The following CECR2 variants were observed in gnomAD, a reference collection of about 807,000 sequenced individuals.
CECR2 encodes CECR2 histone acetyl-lysine reader.
A neutral mutation model predicts 154.5 loss-of-function variants in CECR2; 30 were observed. That is an observed-to-expected ratio of 0.19 (90% confidence interval 0.15 to 0.26). The LOEUF (loss-of-function observed/expected upper bound fraction) is 0.26. Ranked by LOEUF, CECR2 falls within the 10% of genes least tolerant of loss-of-function variation. The pLI is 1.00. For synonymous variants in CECR2, 725 were observed against 683.7 expected, an observed-to-expected ratio of 1.06 and a Z score of -0.94; for missense variants, 1,743 against 1,829.3, an observed-to-expected ratio of 0.95 and a Z score of 0.86.
chr22:17,447,523 G>T (rs1171110869), intron 1 of CECR2, among the ~76,000 whole-genome samples: 1 of 152,038 alleles, frequency 6.6e-6, no homozygotes, highest in African/African-American at 2.4e-5. Flanking sequence ...TCCAGCCTGG[G>T]CAACAGAGCA....
Position 17,369,612 on chromosome 22 carries a change from C to G in CECR2, c.-172C>G, listed in dbSNP as rs1212341968. On this transcript the variant is annotated 5_prime_UTR_variant, in exon 1 of 19. Coordinates refer to ENST00000262608, the MANE Select transcript of CECR2 (RefSeq NM_001290047.2). The stretch of plus-strand genomic sequence containing the variant: ...GGCCCCCGCGCCGCCGCCCCCCGCC[C>G]GGCGCCCGCCCTCGGCTCCTGCACT... The G allele has an allele frequency of 6.8e-6, 1 of 146,794 alleles. No homozygotes were observed. The highest frequency in any genetic ancestry group is 2.4e-5 in the African/African-American group (1 of 40,852). The allele number at this position is 146,794 out of a possible 1,614,324, so 9.1% of individuals were successfully genotyped here. A position where few individuals can be genotyped will look rare whatever the true frequency, so the allele number is the denominator to read the frequency against.
In CECR2 at chr22:17,394,197, C is replaced by CTTTTTTT. The variant is rs71200271; in HGVS notation, c.126+24308_126+24314dup. Among the ~76,000 whole-genome samples, 8 of 97,088 alleles carry CTTTTTTT rather than the reference C, an allele frequency of 8.2e-5. 1 individual carries two copies. The highest frequency in any genetic ancestry group is 3.5e-4 in the South Asian group (1 of 2,868). The allele number at this position is 97,088 out of a possible 152,430, so 63.7% of individuals were successfully genotyped here. A position where few individuals can be genotyped will look rare whatever the true frequency, so the allele number is the denominator to read the frequency against. Reference sequence around the variant, plus strand: ...CCACCGCGCCCAGCTGCTGCCGCTGCTTTTTTTTTTTTTTTTTTTTTTTTT... The same window carrying CTTTTTTT: ...CCACCGCGCCCAGCTGCTGCCGCTGCTTTTTTTTTTTTTTTTTTTTTTTTTTTTTTTT... On this transcript the variant is annotated intron_variant, in intron 1 of 18. Transcript: ENST00000262608.
At chr22:17,494,725 C>T (rs2055591516) in intron 2 of CECR2, among the ~76,000 whole-genome samples, 1 of 152,116 alleles carries the variant, frequency 6.6e-6, no homozygotes, top group African/African-American at 2.4e-5. Flanking sequence ...GACAGCATCT[C>T]ACTCTGTTGC....
rs1250537793 is a variant in CECR2, at chr22:17,498,260, A to C, written c.405+674A>C. Among the ~76,000 whole-genome samples, 4 of 152,106 alleles carry C rather than the reference A, an allele frequency of 2.6e-5. No homozygotes were observed. The East Asian group carries it at 7.7e-4, about 29-fold the overall frequency. ...AAAAAAATTAGCCGGGCGTGGTGGCAGGCGCCTGTAGTCCCAGCTACTCGG... is the reference window on the plus strand; with the variant it reads ...AAAAAAATTAGCCGGGCGTGGTGGCCGGCGCCTGTAGTCCCAGCTACTCGG... On this transcript the variant is annotated intron_variant, in intron 3 of 18. Transcript: ENST00000262608.
At chr22:17,382,652 C>A (rs2063212122) in intron 1 of CECR2, among the ~76,000 whole-genome samples, 1 of 152,206 alleles carries the variant, frequency 6.6e-6, no homozygotes, top group Admixed American at 6.5e-5. Flanking sequence ...CGCCTGTAAT[C>A]CCAACACTTT....
In CECR2 at chr22:17,395,479, C is replaced by T. The variant is rs552228212; in HGVS notation, c.126+25570C>T. 9.9e-5 allele frequency among the ~76,000 whole-genome samples: 15 copies of T among 152,008 alleles called. No individual in the cohort carries two copies. The East Asian group carries it at 1.4e-3, about 14-fold the overall frequency. On this transcript the variant is annotated intron_variant, in intron 1 of 18. Coordinates refer to ENST00000262608, the MANE Select transcript of CECR2 (RefSeq NM_001290047.2). Reference sequence around the variant, plus strand: ...CATGCCTTAGCCTCTCAAGTAGCCGCGATTACAGGCACACGCCACCATGCT... The same window carrying T: ...CATGCCTTAGCCTCTCAAGTAGCCGTGATTACAGGCACACGCCACCATGCT...
At chr22:17,471,749 G>C (rs1230976621) in intron 1 of CECR2, among the ~76,000 whole-genome samples, 2 of 151,880 alleles carry the variant, frequency 1.3e-5, no homozygotes, top group African/African-American at 2.4e-5. Flanking sequence ...TGGCCAGGTG[G>C]GTCTCGAACT....
intron 1 of CECR2, among the ~76,000 whole-genome samples, chr22:17,376,735 T>A (rs533958076): frequency 6.6e-6 from 1 of 151,544 alleles, no homozygotes; most frequent in South Asian, 2.1e-4. Flanking sequence ...GCCTCCTGGG[T>A]TCAGGTGATT....
chr22:17,488,406 A>C (rs1304717992), intron 2 of CECR2, among the ~76,000 whole-genome samples: 2 of 152,224 alleles, frequency 1.3e-5, no homozygotes, highest in African/African-American at 2.4e-5. Flanking sequence ...TACTGAAGAA[A>C]ATAGACATTT....
Position 17,540,600 on chromosome 22 carries a change from G to A in CECR2, c.1684G>A (p.Gly562Arg). ...TTGGACCCGCTCCAGGGACCCAGAA[G>A]GGTCCAGCAGGAAACAGCAGCCCAT... ...HVWTRSRDPE[G>R]SSRKQQPMEN... Residue 562 changes from glycine to arginine, a missense_variant, in exon 14 of 19, where the codon GGG (glycine) becomes AGG (arginine). Gly to Arg is a moderately radical substitution (Grantham distance 125). Coordinates refer to ENST00000262608, the MANE Select transcript of CECR2 (RefSeq NM_001290047.2). The A allele has an allele frequency of 6.2e-7, 1 of 1,613,574 alleles. No individual in the cohort carries two copies. Among genetic ancestry groups the A allele is most frequent in the Non-Finnish European group, 8.5e-7 (1 of 1,179,718 alleles).
chr22:17,378,684 A>G (rs1325128887), intron 1 of CECR2, among the ~76,000 whole-genome samples: 2 of 152,142 alleles, frequency 1.3e-5, no homozygotes, highest in Non-Finnish European at 2.9e-5. Context: ...GACATTGCCA[A>G]ATATGTCCGG....
At chr22:17,461,074 C>T (rs2146731335) in intron 1 of CECR2, among the ~76,000 whole-genome samples, 1 of 152,304 alleles carries the variant, frequency 6.6e-6, no homozygotes, top group South Asian at 2.1e-4. Context: ...GGGAATCACC[C>T]ATTACCGCGA....
intron 3 of CECR2, among the ~76,000 whole-genome samples, 184 bp downstream of exon 3, chr22:17,497,770 G>A (rs1307301457): frequency 6.6e-6 from 1 of 152,156 alleles, no homozygotes; most frequent in African/African-American, 2.4e-5. Flanking sequence ...GATGCAAGAT[G>A]TACATCCCTA....
At chr22:17,435,551 T>A (rs534877199) in intron 1 of CECR2, among the ~76,000 whole-genome samples, 4 of 152,172 alleles carry the variant, frequency 2.6e-5, no homozygotes, top group African/African-American at 9.6e-5. Flanking sequence ...CCTTTTGAAC[T>A]GTGTAACCTG....
chr22:17,456,129 T>TATC (rs2054850581), intron 1 of CECR2, among the ~76,000 whole-genome samples: 1 of 151,408 alleles, frequency 6.6e-6, no homozygotes, highest in Non-Finnish European at 1.5e-5. Context: ...TTTAGTCAAT[T>TATC]ATTATTATTA....
At chr22:17,460,809 T>G in intron 1 of CECR2, among the ~76,000 whole-genome samples, 1 of 152,232 alleles carries the variant, frequency 6.6e-6, no homozygotes, top group South Asian at 2.1e-4. Flanking sequence ...TCCCACAAAG[T>G]GAAACTTCAT....
At chr22:17,437,531 TATG>T (rs2054524829) in intron 1 of CECR2, among the ~76,000 whole-genome samples, 1 of 152,184 alleles carries the variant, frequency 6.6e-6, no homozygotes, top group Non-Finnish European at 1.5e-5. Flanking sequence ...TTTTTGATCA[TATG>T]ATATTTCTTT....
At chr22:17,515,154 G>T (rs1387696148) in intron 8 of CECR2, among the ~76,000 whole-genome samples, 1 of 152,092 alleles carries the variant, frequency 6.6e-6, no homozygotes, top group African/African-American at 2.4e-5. Flanking sequence ...TGCTAAAATG[G>T]TAAAATGGTA....
intron 2 of CECR2, among the ~76,000 whole-genome samples, chr22:17,477,987 A>C (rs1296716326): frequency 6.6e-6 from 1 of 152,196 alleles, no homozygotes. Flanking sequence ...CTGATTTTGC[A>C]GTATTGGTAA....
Sources: allele counts gnomAD v4.1 joint callset (sites outside exome capture counted in the v4.1 genomes callset), GRCh38; gene constraint gnomAD v4.1.1; transcripts MANE v1.5; gene names NCBI Gene and HGNC (gene_info 2026-07-23, HGNC 2026-07-21).